Variants in CTNNA3 observed in about 807,000 individuals in gnomAD.
CTNNA3 encodes catenin alpha-3.
In CTNNA3, 76 loss-of-function variants were observed where a neutral mutation model predicts 95.7. The observed-to-expected ratio is 0.79, with a 90% CI of 0.66 to 0.96. The LOEUF (loss-of-function observed/expected upper bound fraction) is 0.96, where lower values mean the gene tolerates loss of function less well. CTNNA3 is among the 40% of genes least tolerant of loss of function. CTNNA3 has a pLI of 0.00. For missense variants in CTNNA3, 1,191 were observed against 1,089.8 expected, an observed-to-expected ratio of 1.09 and a Z score of -1.31; for synonymous variants, 431 against 374.4, an observed-to-expected ratio of 1.15 and a Z score of -1.74.
At chr10:66,386,792 C>T (rs2092896521) in intron 11 of CTNNA3, among the ~76,000 whole-genome samples, 2 of 152,118 alleles carry the variant, frequency 1.3e-5, no homozygotes, top group Non-Finnish European at 2.9e-5. Context: ...AATAATGCCA[C>T]ATATCTACAA....
intron 5 of CTNNA3, among the ~76,000 whole-genome samples, chr10:67,358,651 A>G (rs912711851): frequency 6.6e-6 from 1 of 152,052 alleles, no homozygotes. Flanking sequence ...GACCTACTAC[A>G]TCAACAGACC....
At chr10:66,721,203 C>T (rs988744250) in intron 9 of CTNNA3, among the ~76,000 whole-genome samples, 7 of 152,092 alleles carry the variant, frequency 4.6e-5, no homozygotes, top group African/African-American at 7.2e-5. Context: ...GTGTGGAAGG[C>T]ATTTTCTGGA....
At chr10:67,121,633 G>GCACTTACT (rs1405202323) in intron 7 of CTNNA3, among the ~76,000 whole-genome samples, 6 of 152,020 alleles carry the variant, frequency 3.9e-5, no homozygotes, top group Admixed American at 1.3e-4. Flanking sequence ...GCTGGCCACA[G>GCACTTACT]TACACGTAAG....
intron 13 of CTNNA3, among the ~76,000 whole-genome samples, chr10:66,248,347 A>AT (rs536084737): frequency 3.3e-3 from 324 of 97,248 alleles, no homozygotes; most frequent in Middle Eastern, 5.9e-3. Flanking sequence ...AGAGAAAATC[A>AT]TAAAAAAAAA....
chr10:66,404,588 A>G (rs2093043346), intron 11 of CTNNA3, among the ~76,000 whole-genome samples: 1 of 152,192 alleles, frequency 6.6e-6, no homozygotes, highest in South Asian at 2.1e-4. Flanking sequence ...TAATAAGTAT[A>G]AAAGTAACAA....
intron 13 of CTNNA3, among the ~76,000 whole-genome samples, chr10:66,279,659 T>A (rs1366460283): frequency 6.6e-6 from 1 of 152,014 alleles, no homozygotes; most frequent in East Asian, 1.9e-4. Flanking sequence ...CAGTGACCCA[T>A]AATTACACCT....
chr10:67,361,470 A>C (rs189977674), intron 5 of CTNNA3, among the ~76,000 whole-genome samples: 1 of 152,162 alleles, frequency 6.6e-6, no homozygotes. Flanking sequence ...CCAATTAAAC[A>C]TCCCAAAACC....
At chr10:66,691,023 G>A (rs968441811) in intron 9 of CTNNA3, among the ~76,000 whole-genome samples, 1 of 152,184 alleles carries the variant, frequency 6.6e-6, no homozygotes, top group African/African-American at 2.4e-5. Flanking sequence ...AGCTCCCAGA[G>A]TGATCGATGC....
chr10:67,252,220 A>AG (rs1178241977), intron 5 of CTNNA3, among the ~76,000 whole-genome samples: 3 of 125,954 alleles, frequency 2.4e-5, no homozygotes, highest in African/African-American at 1.1e-4. Flanking sequence ...CACTGTCTCA[A>AG]AAAAAAAAAA....
intron 14 of CTNNA3, among the ~76,000 whole-genome samples, chr10:66,081,240 T>C (rs896537585): frequency 1.3e-5 from 2 of 151,924 alleles, no homozygotes; most frequent in East Asian, 1.9e-4. Flanking sequence ...GCTAGAAGAG[T>C]TGACAAATTA....
chr10:66,747,427 C>T (rs938405390), intron 9 of CTNNA3, among the ~76,000 whole-genome samples: 1 of 152,268 alleles, frequency 6.6e-6, no homozygotes, highest in Non-Finnish European at 1.5e-5. Flanking sequence ...TGTCTAGCTC[C>T]GGTAAAACTG....
intron 12 of CTNNA3, among the ~76,000 whole-genome samples, chr10:66,360,316 A>G (rs1278200462): frequency 6.6e-6 from 1 of 152,100 alleles, no homozygotes. Context: ...AAATCTATGA[A>G]TAAAAGTTAC....
intron 10 of CTNNA3, among the ~76,000 whole-genome samples, chr10:66,589,322 A>C (rs1486528): frequency 0.66 from 100,008 of 151,784 alleles, 33,929 homozygotes; most frequent in East Asian, 0.91. Context: ...CCCTAGCTAG[A>C]TAATGAAATT....
At chr10:66,911,012 A>C (rs968217527) in intron 7 of CTNNA3, among the ~76,000 whole-genome samples, 1 of 152,200 alleles carries the variant, frequency 6.6e-6, no homozygotes, top group Non-Finnish European at 1.5e-5. Flanking sequence ...AACAAGAAGG[A>C]AGCAATAATT....
intron 13 of CTNNA3, among the ~76,000 whole-genome samples, chr10:66,202,885 T>C (rs2087520900): frequency 6.6e-6 from 1 of 152,236 alleles, no homozygotes; most frequent in South Asian, 2.1e-4. Flanking sequence ...AATCATGTAC[T>C]AAATGTATAT....
intron 9 of CTNNA3, among the ~76,000 whole-genome samples, chr10:66,638,474 C>A (rs1313840451): frequency 2.0e-5 from 3 of 152,116 alleles, no homozygotes; most frequent in African/African-American, 7.2e-5. Context: ...GACTTCTGGG[C>A]GGGGGCAGGC....
At chr10:66,965,565 G>T (rs1465789533) in intron 7 of CTNNA3, among the ~76,000 whole-genome samples, 1 of 134,710 alleles carries the variant, frequency 7.4e-6, no homozygotes, top group African/African-American at 2.7e-5. Flanking sequence ...AAAAAAAGCT[G>T]TTTTTTTTTT....
At chr10:66,225,419 A>ATATATG (rs2089231161) in intron 13 of CTNNA3, among the ~76,000 whole-genome samples, 1 of 139,524 alleles carries the variant, frequency 7.2e-6, no homozygotes. Context: ...ATATATATAT[A>ATATATG]TATGAATGAA....
intron 11 of CTNNA3, among the ~76,000 whole-genome samples, chr10:66,422,877 C>CCA (rs772632244): frequency 4.6e-5 from 7 of 151,814 alleles, no homozygotes; most frequent in South Asian, 2.1e-4. Context: ...TGATCCACCT[C>CCA]CCTCGGCCTA....
Sources: gnomAD v4.1 joint callset for allele counts (sites outside exome capture counted in the v4.1 genomes callset) on GRCh38, gnomAD v4.1.1 for gene constraint, MANE v1.5 for transcripts, NCBI Gene and HGNC (gene_info 2026-07-23, HGNC 2026-07-21) for gene names.